Variants in FNIP2 observed in about 807,000 individuals in gnomAD.
FNIP2 encodes folliculin interacting protein 2, also known as folliculin-interacting protein 2.
A neutral mutation model predicts 108.7 loss-of-function variants in FNIP2; 32 were observed. The observed-to-expected ratio is 0.29, with a 90% CI of 0.22 to 0.40. The LOEUF (loss-of-function observed/expected upper bound fraction) is 0.40, where lower values mean the gene tolerates loss of function less well. FNIP2 is among the 10% of genes least tolerant of loss of function. The pLI, the probability that FNIP2 is intolerant of heterozygous loss-of-function variation, is 1.00. For synonymous variants in FNIP2, 480 were observed against 496.7 expected (o/e 0.97, Z 0.45); for missense variants, 1,202 against 1,381.6 (o/e 0.87, Z 2.06).
At chr4:158,792,278 C>T (rs1186332011) in intron 1 of FNIP2, among the ~76,000 whole-genome samples, 1 of 152,112 alleles carries the variant, frequency 6.6e-6, no homozygotes, top group Non-Finnish European at 1.5e-5. Flanking sequence ...TCACTTTACA[C>T]GCATGTTCCC....
rs1243119131 is a variant in FNIP2 at position 158,905,875 on chromosome 4, G to A, written c.*1331G>A. The stretch of plus-strand genomic sequence containing the variant: ...ATCTTTAGCACTTTGCAGATCTCAA[G>A]CAGTTAACCAGGCTCTGATTCCCTT... On this transcript the variant is annotated 3_prime_UTR_variant, in exon 17 of 17. Transcript: ENST00000264433. 6.6e-6 allele frequency: 1 copy of A among 152,160 alleles called. No homozygotes were observed. Among genetic ancestry groups the A allele is most frequent in the Admixed American group, 6.5e-5 (1 of 15,282 alleles). The allele number at this position is 152,160 out of a possible 1,614,324, so 9.4% of individuals were successfully genotyped here. A position where few individuals can be genotyped will look rare whatever the true frequency, so the allele number is the denominator to read the frequency against.
chr4:158,906,264 C>T lies in FNIP2; in HGVS notation c.*1720C>T, dbSNP rs569109427. ...CCTGTGGCTCAGCTCACCCCACATC[C>T]GTTTCTCATTACGTGTAAATAAACT... is the stretch of plus-strand genomic sequence containing the variant. On this transcript the variant is annotated 3_prime_UTR_variant, in exon 17 of 17. Transcript: ENST00000264433. The T allele has an allele frequency of 3.9e-5, 6 of 152,272 alleles. No individual in the cohort carries two copies. Among genetic ancestry groups the T allele is most frequent in the African/African-American group, 1.2e-4 (5 of 41,558 alleles). 9.4% of individuals were successfully genotyped at this position (152,272 alleles called of 1,614,324 possible).
chr4:158,817,674 G>C (rs1175066482), intron 1 of FNIP2, among the ~76,000 whole-genome samples: 1 of 152,138 alleles, frequency 6.6e-6, no homozygotes, highest in Non-Finnish European at 1.5e-5. Context: ...AGCCTCCCCA[G>C]TTAGCTGGGA....
intron 2 of FNIP2, among the ~76,000 whole-genome samples, chr4:158,826,378 G>A (rs1455424464): frequency 6.6e-6 from 1 of 152,208 alleles, no homozygotes; most frequent in Admixed American, 6.5e-5. Context: ...TAATGGGAAA[G>A]CAGAACTCTA....
intron 14 of FNIP2, among the ~76,000 whole-genome samples, chr4:158,886,981 C>T (rs1782053483): frequency 6.6e-6 from 1 of 152,180 alleles, no homozygotes; most frequent in Non-Finnish European, 1.5e-5. Context: ...AGTAATCTTA[C>T]TAAACTGACA....
intron 7 of FNIP2, among the ~76,000 whole-genome samples, chr4:158,848,465 G>A (rs1779525110): frequency 6.6e-6 from 1 of 152,160 alleles, no homozygotes; most frequent in Non-Finnish European, 1.5e-5. Flanking sequence ...CAATACCCAA[G>A]TCCCTTCAAA....
chr4:158,834,321 T>TCTCTCTCTCTCTCTCTCTCTCTCC (rs1560787938), intron 6 of FNIP2: 1 of 150,322 alleles, frequency 6.7e-6, no homozygotes, highest in African/African-American at 2.5e-5. Flanking sequence ...TCTCTCTCTC[T>TCTCTCTCTCTCTCTCTCTCTCTCC]CTCTCTCTCC....
At chr4:158,904,433 A>G in intron 16 of FNIP2, 33 bp from the exon 17 acceptor site, 1 of 1,541,494 alleles carries the variant, frequency 6.5e-7, no homozygotes, top group Non-Finnish European at 9.0e-7. Context: ...ATGCTCTTTT[A>G]AAGTAATATT....
chr4:158,861,417 G>T lies in FNIP2; in HGVS notation c.1224G>T (p.Leu408Phe). The change falls in exon 11 of 17, where the codon TTG (leucine) becomes TTT (phenylalanine). Residue 408 changes from leucine (L) to phenylalanine (F), a missense_variant. By Grantham distance (22) the Leu-to-Phe change is conservative. This residue lies in a region of FNIP2 where 878 missense variants were observed against 990.3 expected (regional missense o/e 0.89). Transcript: ENST00000264433. ...GGCTTACTATGATGTCCGGCACTTT[G>T]GAAAAAAACCAGCTCTGCCAGCGCT... is the stretch of plus-strand genomic sequence containing the variant. The part of the protein sequence containing the change: ...PVWLTMMSGT[L>F]EKNQLCQRFL... The T allele has an allele frequency of 6.2e-7, 1 of 1,613,928 alleles. No homozygotes were observed. Among genetic ancestry groups the T allele is most frequent in the Non-Finnish European group, 8.5e-7 (1 of 1,179,890 alleles).
chr4:158,812,979 A>G (rs1777361650), intron 1 of FNIP2, among the ~76,000 whole-genome samples: 1 of 151,956 alleles, frequency 6.6e-6, no homozygotes, highest in South Asian at 2.1e-4. Context: ...TTTGATTAGA[A>G]TCATACAGTA....
chr4:158,802,691 A>G (rs1776802115), intron 1 of FNIP2, among the ~76,000 whole-genome samples: 1 of 152,214 alleles, frequency 6.6e-6, no homozygotes, highest in South Asian at 2.1e-4. Context: ...GCTTTTTCTC[A>G]GGTGTCAAAT....
At chr4:158,788,526 A>G (rs1031533791) in intron 1 of FNIP2, among the ~76,000 whole-genome samples, 1 of 152,110 alleles carries the variant, frequency 6.6e-6, no homozygotes, top group African/African-American at 2.4e-5. Context: ...TTGATGGGTG[A>G]TTTTAGGAGA....
At chr4:158,782,295 A>G (rs1776077201) in intron 1 of FNIP2, among the ~76,000 whole-genome samples, 1 of 152,154 alleles carries the variant, frequency 6.6e-6, no homozygotes, top group African/African-American at 2.4e-5. Flanking sequence ...ATGATATATG[A>G]TATCAGCAAG....
At chr4:158,838,387 A>C (rs1778931493) in intron 7 of FNIP2, among the ~76,000 whole-genome samples, 1 of 151,848 alleles carries the variant, frequency 6.6e-6, no homozygotes, top group Non-Finnish European at 1.5e-5. Flanking sequence ...CACCTGGCTA[A>C]TTTTTATATT....
At chr4:158,836,526 G>A (rs1269404856) in intron 7 of FNIP2, 3 of 151,766 alleles carry the variant, frequency 2.0e-5, no homozygotes, top group Non-Finnish European at 4.4e-5. Context: ...ATCAGGCCGA[G>A]CACAGTGGCT....
intron 16 of FNIP2, among the ~76,000 whole-genome samples, chr4:158,900,798 CTG>C (rs1729158796): frequency 6.6e-6 from 1 of 152,088 alleles, no homozygotes; most frequent in African/African-American, 2.4e-5. Flanking sequence ...GTTTGCCAGT[CTG>C]TGTCTTTTAA....
At chr4:158,850,452 C>G (rs1381812996) in intron 7 of FNIP2, among the ~76,000 whole-genome samples, 1 of 151,728 alleles carries the variant, frequency 6.6e-6, no homozygotes, top group African/African-American at 2.4e-5. Flanking sequence ...TCCCTCCTCC[C>G]TGCCTGTTAG....
At position 158,793,669 on chromosome 4, in the gene FNIP2, G is replaced by A. The variant is rs544995125; in HGVS notation, c.107+24350G>A. ...TGGCGAATGAGCATACTTATGGTTT[G>A]GTAAATAGAGGTAATGATTCCTCTC... On this transcript the variant is annotated intron_variant, in intron 1 of 16. Transcript: ENST00000264433. 7.2e-5 allele frequency among the ~76,000 whole-genome samples: 11 copies of A among 152,318 alleles called. No homozygotes were observed. The East Asian group carries it at 2.1e-3, about 29-fold the overall frequency.
chr4:158,789,764 CG>C (rs1334554095), intron 1 of FNIP2, among the ~76,000 whole-genome samples: 1 of 152,084 alleles, frequency 6.6e-6, no homozygotes, highest in Non-Finnish European at 1.5e-5. Flanking sequence ...GCTTCAAAAT[CG>C]GAGTAGTTTC....
Sources: allele counts gnomAD v4.1 joint callset (sites outside exome capture counted in the v4.1 genomes callset), GRCh38; gene constraint gnomAD v4.1.1; regional missense constraint gnomAD v4.1.1; transcripts MANE v1.5; gene names NCBI Gene and HGNC (gene_info 2026-07-23, HGNC 2026-07-21).